The following FSHR variants were observed in gnomAD, a reference collection of about 807,000 sequenced individuals.
FSHR encodes the protein follicle stimulating hormone receptor, also known as follicle-stimulating hormone receptor.
Under a neutral mutation model 52.1 loss-of-function variants are expected in FSHR, and 46 were observed. The ratio of observed to expected loss-of-function variants is 0.88; its 90% confidence interval spans 0.70 to 1.13. The LOEUF is 1.13. FSHR is among the 50% of genes most tolerant of loss of function. FSHR has a pLI of 0.00. For missense variants in FSHR, 964 were observed against 834.6 expected (o/e 1.16, Z -1.91); for synonymous variants, 399 against 309.6 (o/e 1.29, Z -3.03).
intron 1 of FSHR, among the ~76,000 whole-genome samples, chr2:49,126,551 A>G (rs528246520): frequency 5.1e-4 from 78 of 152,358 alleles, no homozygotes; most frequent in African/African-American, 1.7e-3. Flanking sequence ...GCAAGAGAAG[A>G]GTAAACTAGA....
At chr2:49,037,156 C>T (rs567903216) in intron 2 of FSHR, among the ~76,000 whole-genome samples, 21 of 152,262 alleles carry the variant, frequency 1.4e-4, no homozygotes, top group Non-Finnish European at 2.4e-4. Context: ...AACATCAAAG[C>T]AGTATCCTGA....
intron 1 of FSHR, among the ~76,000 whole-genome samples, chr2:49,089,389 C>G (rs1251775888): frequency 6.6e-6 from 1 of 152,110 alleles, no homozygotes; most frequent in Non-Finnish European, 1.5e-5. Flanking sequence ...ATACATTCTG[C>G]TTCTTTAGAT....
At chr2:49,000,564 T>C in intron 4 of FSHR, among the ~76,000 whole-genome samples, 1 of 152,158 alleles carries the variant, frequency 6.6e-6, no homozygotes, top group Non-Finnish European at 1.5e-5. Context: ...TCCAGGTTTC[T>C]GGAAACCAGT....
At chr2:49,088,724 C>G (rs1191960118) in intron 1 of FSHR, among the ~76,000 whole-genome samples, 1 of 152,136 alleles carries the variant, frequency 6.6e-6, no homozygotes, top group East Asian at 1.9e-4. Context: ...GGGGCTACTT[C>G]TGCTTAGATA....
chr2:49,119,182 T>C (rs1259238879), intron 1 of FSHR, among the ~76,000 whole-genome samples: 1 of 152,222 alleles, frequency 6.6e-6, no homozygotes, highest in Non-Finnish European at 1.5e-5. Context: ...ACTGATATTA[T>C]TGGGGAATGT....
At chr2:49,023,623 C>T (rs764632228) in intron 2 of FSHR, among the ~76,000 whole-genome samples, 8 of 152,090 alleles carry the variant, frequency 5.3e-5, no homozygotes, top group Non-Finnish European at 8.8e-5. Flanking sequence ...TACCTTTATC[C>T]GTGCCTCTCT....
At chr2:49,119,899 C>T (rs770088739) in intron 1 of FSHR, among the ~76,000 whole-genome samples, 13 of 152,122 alleles carry the variant, frequency 8.5e-5, no homozygotes, top group African/African-American at 2.9e-4. Flanking sequence ...GTAGGGTTAC[C>T]GTGAGAAATC....
intron 1 of FSHR, among the ~76,000 whole-genome samples, chr2:49,130,534 C>G (rs979481788): frequency 1.3e-5 from 2 of 152,176 alleles, no homozygotes; most frequent in African/African-American, 4.8e-5. Context: ...TTCAACTCAT[C>G]TATTGAATTT....
intron 2 of FSHR, among the ~76,000 whole-genome samples, chr2:49,023,991 A>C (rs1371854324): frequency 2.0e-5 from 3 of 152,146 alleles, no homozygotes; most frequent in Non-Finnish European, 4.4e-5. Flanking sequence ...GCGAATAAGC[A>C]TACAGAATTT....
chr2:48,979,263 A>T (rs186472493), intron 8 of FSHR, among the ~76,000 whole-genome samples: 295 of 152,186 alleles, frequency 1.9e-3, no homozygotes, highest in African/African-American at 6.8e-3. Flanking sequence ...TTGGCAACAT[A>T]GTGAGACCCT....
intron 1 of FSHR, among the ~76,000 whole-genome samples, chr2:49,109,001 G>C (rs1386569041): frequency 6.6e-6 from 1 of 152,102 alleles, no homozygotes; most frequent in Non-Finnish European, 1.5e-5. Context: ...ACGCCTGCTG[G>C]GCTTAAAATG....
At chr2:49,149,895 T>C (rs1673002902) in intron 1 of FSHR, among the ~76,000 whole-genome samples, 1 of 152,052 alleles carries the variant, frequency 6.6e-6, no homozygotes. Context: ...AGGCAGCCTA[T>C]AATATAATCC....
chr2:49,016,256 T>C (rs1302512622), intron 4 of FSHR, among the ~76,000 whole-genome samples: 1 of 152,180 alleles, frequency 6.6e-6, no homozygotes. Context: ...AAAAGTGGCT[T>C]CAAAAAATGG....
chr2:49,127,785 T>G (rs200795252), intron 1 of FSHR, among the ~76,000 whole-genome samples: 1 of 51,844 alleles, frequency 1.9e-5, no homozygotes, highest in Non-Finnish European at 3.5e-5. Flanking sequence ...CTTCTTCTTC[T>G]TCTTCTTCTT....
At chr2:49,042,531 A>G (rs981091055) in intron 2 of FSHR, among the ~76,000 whole-genome samples, 7 of 152,222 alleles carry the variant, frequency 4.6e-5, no homozygotes, top group African/African-American at 1.4e-4. Flanking sequence ...ATTCATTGCC[A>G]TTAATATTTT....
Position 49,020,174 on chromosome 2 carries a change from A to AT in FSHR, c.225-15_225-14insA. The AT allele has an allele frequency of 6.2e-7, 1 of 1,605,968 alleles. No homozygotes were observed. Among genetic ancestry groups the AT allele is most frequent in the Non-Finnish European group, 8.5e-7 (1 of 1,172,666 alleles). On this transcript the variant is annotated splice_polypyrimidine_tract_variant and intron_variant, in intron 2 of 9. Coordinates refer to ENST00000406846, the MANE Select transcript of FSHR (RefSeq NM_000145.4). ...TGAGAGATCTCTCTGTGGAGAAAAA[A>AT]ATATATAAGTCAAGCCAGTTCAGTT...
chr2:49,067,289 T>A (rs940406845), intron 2 of FSHR, among the ~76,000 whole-genome samples: 2 of 152,168 alleles, frequency 1.3e-5, no homozygotes, highest in South Asian at 2.1e-4. Flanking sequence ...TACTTTGTGA[T>A]TCTTTTGTTA....
At chr2:49,130,639 A>T (rs1282378138) in intron 1 of FSHR, among the ~76,000 whole-genome samples, 1 of 152,248 alleles carries the variant, frequency 6.6e-6, no homozygotes, top group African/African-American at 2.4e-5. Context: ...AATCTGAATG[A>T]CTTTTGTAGC....
At chr2:49,088,658 C>A (rs1008915263) in intron 1 of FSHR, among the ~76,000 whole-genome samples, 16 of 152,100 alleles carry the variant, frequency 1.1e-4, no homozygotes, top group Non-Finnish European at 2.1e-4. Flanking sequence ...ATTTTATTGA[C>A]AATATTTAGC....
Sources: gnomAD v4.1 joint callset for allele counts (sites outside exome capture counted in the v4.1 genomes callset) on GRCh38, gnomAD v4.1.1 for gene constraint, MANE v1.5 for transcripts, NCBI Gene and HGNC (gene_info 2026-07-23, HGNC 2026-07-21) for gene names.